Variants in PCDHA4 observed in about 807,000 individuals in gnomAD.
The protein encoded by PCDHA4 is protocadherin alpha 4.
A neutral mutation model predicts 61.4 loss-of-function variants in PCDHA4; 49 were observed. That is an observed-to-expected ratio of 0.80 (90% confidence interval 0.63 to 1.01). The LOEUF (loss-of-function observed/expected upper bound fraction) is 1.01, where lower values mean the gene tolerates loss of function less well. Ranked by LOEUF, PCDHA4 falls within the 50% of genes least tolerant of loss-of-function variation. The pLI is 0.00. For missense variants in PCDHA4, 1,254 were observed against 1,235.8 expected (o/e 1.01, Z -0.22); for synonymous variants, 590 against 550.3 (o/e 1.07, Z -1.01).
At chr5:140,871,789 AAAT>A (rs2053309848) in intron 1 of PCDHA4, among the ~76,000 whole-genome samples, 1 of 152,254 alleles carries the variant, frequency 6.6e-6, no homozygotes, top group Non-Finnish European at 1.5e-5. Context: ...ACTTGAGTAG[AAAT>A]AATTACTATT....
chr5:140,957,698 A>T (rs1554223065), intron 1 of PCDHA4, among the ~76,000 whole-genome samples: 1 of 152,174 alleles, frequency 6.6e-6, no homozygotes. Flanking sequence ...AATGAACATT[A>T]TGTAGTTTTT....
intron 1 of PCDHA4, among the ~76,000 whole-genome samples, chr5:140,977,853 C>T (rs2096777992): frequency 6.6e-6 from 1 of 152,212 alleles, no homozygotes; most frequent in Admixed American, 6.5e-5. Context: ...GGCTTTGTTT[C>T]TACCAAATAT....
intron 3 of PCDHA4, among the ~76,000 whole-genome samples, chr5:140,984,944 TC>T (rs1554246626): frequency 6.6e-6 from 1 of 151,930 alleles, no homozygotes; most frequent in Non-Finnish European, 1.5e-5. Flanking sequence ...AAATGTCTAA[TC>T]TTTTTTTTTT....
chr5:140,835,536 G>T, intron 1 of PCDHA4: 9 of 1,613,940 alleles, frequency 5.6e-6, no homozygotes, highest in Non-Finnish European at 7.6e-6. Context: ...CAACGGACAG[G>T]TTACCTGCTC....
intron 1 of PCDHA4, chr5:140,858,228 A>T: frequency 6.3e-7 from 1 of 1,595,134 alleles, no homozygotes; most frequent in Non-Finnish European, 8.6e-7. Flanking sequence ...GCGCCCACCG[A>T]GGGCGCATGT....
Position 140,808,719 on chromosome 5 carries a change from A to G in PCDHA4, c.1532A>G (p.His511Arg). 6.2e-7 allele frequency: 1 copy of G among 1,612,162 alleles called. No individual in the cohort carries two copies. The highest frequency in any genetic ancestry group is 8.5e-7 in the Non-Finnish European group (1 of 1,179,804). ...ERALSSYVSVHAESGKVYALQ... is the reference protein window; with the variant it reads ...ERALSSYVSVRAESGKVYALQ... ...GCGCTGTCGAGCTACGTTTCGGTGC[A>G]TGCGGAGAGCGGCAAGGTGTACGCG... The change falls in exon 1 of 4, where the codon CAT becomes CGT. Residue 511 changes from histidine to arginine, a missense_variant. Coordinates refer to ENST00000530339, the MANE Select transcript of PCDHA4 (RefSeq NM_018907.4).
intron 1 of PCDHA4, among the ~76,000 whole-genome samples, chr5:140,920,583 C>T (rs1287573835): frequency 1.3e-5 from 2 of 152,106 alleles, no homozygotes; most frequent in African/African-American, 4.8e-5. Flanking sequence ...CAGTGGCTCA[C>T]GCCTGTAATC....
chr5:140,967,391 C>T, intron 1 of PCDHA4: 1 of 1,609,676 alleles, frequency 6.2e-7, no homozygotes, highest in South Asian at 1.1e-5. Flanking sequence ...AGTGCTTGAG[C>T]TGGTGCTGCG....
chr5:140,997,614 A>T (rs1355709943), intron 3 of PCDHA4, among the ~76,000 whole-genome samples: 2 of 152,148 alleles, frequency 1.3e-5, no homozygotes, highest in African/African-American at 4.8e-5. Context: ...GCATGACTAT[A>T]TAGAGATTTT....
rs2150436326 is a variant in PCDHA4 at position 140,849,370 on chromosome 5, A to C, written c.2385+39798A>C. ...GATGTTTCTCCAGATATAAAATCCA[A>C]GTTCCACATGGACCCCTTAAGTGGG... On this transcript the variant is annotated intron_variant, in intron 1 of 3. Transcript: ENST00000530339. 2.7e-6 allele frequency: 4 copies of C among 1,490,456 alleles called. No homozygotes were observed. The East Asian group carries it at 9.1e-5, about 34-fold the overall frequency. The allele number at this position is 1,490,456 out of a possible 1,614,324, so 92.3% of individuals were successfully genotyped here. A position where few individuals can be genotyped will look rare whatever the true frequency, so the allele number is the denominator to read the frequency against.
intron 1 of PCDHA4, among the ~76,000 whole-genome samples, chr5:140,899,694 T>G (rs961067519): frequency 2.0e-5 from 3 of 152,236 alleles, no homozygotes; most frequent in African/African-American, 4.8e-5. Flanking sequence ...GCTGGCCTCA[T>G]AAAATGAGTT....
chr5:140,986,777 G>A (rs1203790689), intron 3 of PCDHA4, among the ~76,000 whole-genome samples: 5 of 152,234 alleles, frequency 3.3e-5, no homozygotes, highest in Admixed American at 6.5e-5. Flanking sequence ...ATTAGGTAGC[G>A]GAAGCCACTA....
At chr5:140,858,197 A>G (rs782680459) in intron 1 of PCDHA4, 4 of 1,597,058 alleles carry the variant, frequency 2.5e-6, no homozygotes, top group Non-Finnish European at 2.6e-6. Flanking sequence ...GCTGCTGTAC[A>G]CTGCACTGAG....
At chr5:140,922,135 C>T (rs550862927) in intron 1 of PCDHA4, among the ~76,000 whole-genome samples, 3 of 152,092 alleles carry the variant, frequency 2.0e-5, no homozygotes, top group African/African-American at 7.2e-5. Context: ...TGTCTCTTAT[C>T]CTCCATGAAA....
rs2040836417 is a variant in PCDHA4 at position 140,849,271 on chromosome 5, C to G, written c.2385+39699C>G. ...TTACCAGAAAACGTTTCTATCGGAA[C>G]GCTGGTGATTCACCCCAATGCCTCA... is the stretch of plus-strand genomic sequence containing the variant. On this transcript the variant is annotated intron_variant, in intron 1 of 3. Coordinates refer to ENST00000530339, the MANE Select transcript of PCDHA4 (RefSeq NM_018907.4). 10 of 1,147,158 alleles carry G rather than the reference C, an allele frequency of 8.7e-6. No individual in the cohort carries two copies. In the East Asian group the frequency reaches 2.3e-4, roughly 26 times the overall value. 71.1% of individuals were successfully genotyped at this position (1,147,158 alleles called of 1,614,324 possible).
rs565339027 is a variant in PCDHA4, at chr5:141,010,492, C to G, written c.*555C>G. ...AGGGGAAGTGTAAACTTAAAGGGAC[C>G]AGACTTTCTAAATCTTACAACTCAA... On this transcript the variant is annotated 3_prime_UTR_variant, in exon 4 of 4. Transcript: ENST00000530339. 28 of 628,626 alleles carry G rather than the reference C, an allele frequency of 4.5e-5. No homozygotes were observed. Among genetic ancestry groups the G allele is most frequent in the Admixed American group, 1.7e-4 (5 of 29,282 alleles). 38.9% of individuals were successfully genotyped at this position (628,626 alleles called of 1,614,324 possible).
intron 3 of PCDHA4, among the ~76,000 whole-genome samples, chr5:140,999,514 A>G (rs782202425): frequency 1.4e-4 from 22 of 152,210 alleles, no homozygotes; most frequent in Non-Finnish European, 1.0e-4. Context: ...CATTTTAAGC[A>G]TTTTGTTACC....
At chr5:140,871,596 C>A in intron 1 of PCDHA4, 1 of 1,453,960 alleles carries the variant, frequency 6.9e-7, no homozygotes. Context: ...TATGAATAAC[C>A]AGTGTTTTGA....
At position 140,863,955 on chromosome 5, in the gene PCDHA4, T is replaced by C. The variant is rs181544244; in HGVS notation, c.2385+54383T>C. 570 of 158,126 alleles carry C rather than the reference T, an allele frequency of 3.6e-3. 3 individuals carry two copies. The highest frequency in any genetic ancestry group is 0.014 in the Middle Eastern group (4 of 294). The allele number at this position is 158,126 out of a possible 1,614,324, so 9.8% of individuals were successfully genotyped here. ...GGCAGAGGTTGCGGTGAGCCTAGAT[T>C]AGGCCACTGCACTACAGCCTGGGAG... is the stretch of plus-strand genomic sequence containing the variant. On this transcript the variant is annotated intron_variant, in intron 1 of 3. Coordinates refer to ENST00000530339, the MANE Select transcript of PCDHA4 (RefSeq NM_018907.4).
Sources: gnomAD v4.1 joint callset for allele counts (sites outside exome capture counted in the v4.1 genomes callset) on GRCh38, gnomAD v4.1.1 for gene constraint, MANE v1.5 for transcripts, NCBI Gene and HGNC (gene_info 2026-07-23, HGNC 2026-07-21) for gene names.